The following COMMD6 variants were observed in gnomAD, a reference collection of about 807,000 sequenced individuals.
COMMD6 encodes the protein COMM domain-containing protein 6.
COMMD6 carries 11 observed loss-of-function variants against 13.4 expected under a neutral mutation model. That is an observed-to-expected ratio of 0.82 (90% CI 0.52 to 1.36). The LOEUF is 1.36. COMMD6 is among the 40% of genes most tolerant of loss of function. The pLI, the probability that COMMD6 is intolerant of heterozygous loss-of-function variation, is 0.00. For missense variants in COMMD6, 124 were observed against 102.4 expected (o/e 1.21, Z -0.91); for synonymous variants, 43 against 36.5 (o/e 1.18, Z -0.64).
intron 2 of COMMD6, among the ~76,000 whole-genome samples, chr13:75,534,779 A>G (rs778081381): frequency 6.6e-6 from 1 of 152,226 alleles, no homozygotes; most frequent in Non-Finnish European, 1.5e-5. Context: ...GTCACACTAA[A>G]AATTGATGTG....
chr13:75,535,435 C>T (rs1353144756), intron 2 of COMMD6, among the ~76,000 whole-genome samples: 1 of 152,162 alleles, frequency 6.6e-6, no homozygotes, highest in Non-Finnish European at 1.5e-5. Flanking sequence ...GTTGGAAGAC[C>T]CTGTTACAAG....
In COMMD6 at chr13:75,537,657, C is replaced by T; in HGVS notation, c.54+7G>A. ...CGGAGGACAGGGCGGGGCGGCCGCT[C>T]ACCCACCTGGTTGGTGACCTGAAAC... On this transcript the variant is annotated splice_region_variant and intron_variant, in intron 2 of 3. Transcript: ENST00000682242. The T allele has an allele frequency of 6.2e-7, 1 of 1,613,848 alleles. No homozygotes were observed. The highest frequency in any genetic ancestry group is 8.5e-7 in the Non-Finnish European group (1 of 1,179,828).
chr13:75,542,352 C>T (rs924594017), upstream of COMMD6, among the ~76,000 whole-genome samples: 2 of 147,946 alleles, frequency 1.4e-5, no homozygotes, highest in Admixed American at 1.4e-4. Context: ...TGCAATGGTG[C>T]GTTCTCAGCT....
Position 75,543,992 on chromosome 13 carries a change from A to G in COMMD6, n.106+5331T>C, listed in dbSNP as rs117338759. ...AATCTAATTTCAGAGAGCTCTGGAG[A>G]GATTCCTGACTCCCAGTGTATCTGC... On this transcript the variant is annotated intron_variant and non_coding_transcript_variant, in intron 1 of 2. Coordinates refer to the COMMD6 transcript ENST00000460675. Among the ~76,000 whole-genome samples the G allele has an allele frequency of 3.2e-4, 48 of 152,302 alleles. No homozygotes were observed. In the East Asian group the frequency reaches 9.1e-3, roughly 29 times the overall value.
upstream of COMMD6, chr13:75,538,723 T>A (rs1398326056): frequency 6.6e-6 from 1 of 152,216 alleles, no homozygotes; most frequent in East Asian, 1.9e-4. Flanking sequence ...CCCACTTGTT[T>A]AAACAATATT....
In COMMD6 at chr13:75,530,271, A is replaced by C. The variant is rs376238835; in HGVS notation, c.55-5T>G. 148 of 1,606,878 alleles carry C rather than the reference A, an allele frequency of 9.2e-5. 1 individual carries two copies. In the African/African-American group the frequency reaches 1.9e-3, roughly 20 times the overall value. On this transcript the variant is annotated splice_polypyrimidine_tract_variant and splice_region_variant and intron_variant, in intron 2 of 3. Coordinates refer to ENST00000682242, the MANE Select transcript of COMMD6 (RefSeq NM_203495.4). ...TTTCCACTGAAAATCTACAAGCTTT[A>C]ATAAGACAGGACAAAATAATACATT...
At position 75,526,485 on chromosome 13, in the gene COMMD6, G is replaced by T; in HGVS notation, c.*104C>A. ...TTTAAAAAAATGGAAAAACAAAAGT[G>T]CATTTTTCATTCAATAAATGTTCCA... On this transcript the variant is annotated 3_prime_UTR_variant, in exon 4 of 4. Coordinates refer to ENST00000682242, the MANE Select transcript of COMMD6 (RefSeq NM_203495.4). 2 of 788,516 alleles carry T rather than the reference G, an allele frequency of 2.5e-6. No individual in the cohort carries two copies. Among genetic ancestry groups the T allele is most frequent in the East Asian group, 2.6e-5 (1 of 38,330 alleles). The allele number at this position is 788,516 out of a possible 1,614,324, so 48.8% of individuals were successfully genotyped here. A position where few individuals can be genotyped will look rare whatever the true frequency, so the allele number is the denominator to read the frequency against.
chr13:75,539,807 C>T (rs1418542696), upstream of COMMD6, among the ~76,000 whole-genome samples: 1 of 152,074 alleles, frequency 6.6e-6, no homozygotes, highest in Non-Finnish European at 1.5e-5. Flanking sequence ...AAAAACCCCC[C>T]ACTGACTCAA....
chr13:75,528,875 AAAT>A (rs2030362227), intron 3 of COMMD6, among the ~76,000 whole-genome samples: 2 of 152,030 alleles, frequency 1.3e-5, no homozygotes, highest in African/African-American at 4.8e-5. Context: ...AAAAAAAAAG[AAAT>A]GAAAGGGAAA....
chr13:75,528,453 T>C (rs1207275190), intron 3 of COMMD6, among the ~76,000 whole-genome samples: 2 of 152,156 alleles, frequency 1.3e-5, no homozygotes, highest in Non-Finnish European at 1.5e-5. Context: ...CACTAATCAA[T>C]ATTAATAATG....
intron 2 of COMMD6, 109 bp from the exon 3 acceptor site, chr13:75,530,375 C>G: frequency 1.4e-6 from 1 of 716,414 alleles, no homozygotes; most frequent in Non-Finnish European, 2.2e-6. Context: ...CAACGCTGGT[C>G]ATATTTACAT....
At chr13:75,529,339 T>C (rs926165379) in intron 3 of COMMD6, among the ~76,000 whole-genome samples, 2 of 151,928 alleles carry the variant, frequency 1.3e-5, no homozygotes, top group Admixed American at 6.6e-5. Context: ...GCTAACATGG[T>C]GAAACCCCAT....
At chr13:75,528,240 A>G (rs547358583) in intron 3 of COMMD6, among the ~76,000 whole-genome samples, 1 of 151,572 alleles carries the variant, frequency 6.6e-6, no homozygotes, top group South Asian at 2.1e-4. Context: ...TTTTTTTCCT[A>G]TAGGAAAAAA....
upstream of COMMD6, among the ~76,000 whole-genome samples, chr13:75,542,659 G>A (rs577230836): frequency 6.6e-6 from 1 of 152,198 alleles, no homozygotes; most frequent in Non-Finnish European, 1.5e-5. Context: ...TAAAAAGGGG[G>A]AATTAAGGTT....
chr13:75,540,280 CT>C (rs1227520824), upstream of COMMD6, among the ~76,000 whole-genome samples: 3 of 151,300 alleles, frequency 2.0e-5, no homozygotes, highest in Non-Finnish European at 4.4e-5. Flanking sequence ...CCCAGGAAAT[CT>C]TTTTCTTCAG....
At chr13:75,534,118 A>G (rs1398867191) in intron 2 of COMMD6, among the ~76,000 whole-genome samples, 1 of 152,104 alleles carries the variant, frequency 6.6e-6, no homozygotes, top group African/African-American at 2.4e-5. Context: ...TGAGTATGAA[A>G]TAAGTAAGCA....
intron 2 of COMMD6, 29 bp downstream of exon 2, chr13:75,537,634 GA>G (rs1566200239): frequency 6.2e-7 from 1 of 1,613,718 alleles, no homozygotes; most frequent in South Asian, 1.1e-5. Context: ...CAGGCTGGCG[GA>G]GGACAGGGCG....
chr13:75,544,130 TG>T (rs368658896), intron 1 of COMMD6, among the ~76,000 whole-genome samples: 202 of 134,590 alleles, frequency 1.5e-3, no homozygotes, highest in African/African-American at 5.1e-3. Context: ...GGGGGGGAGG[TG>T]GGGTAATCAT....
chr13:75,535,322 G>C (rs1026967298), intron 2 of COMMD6, among the ~76,000 whole-genome samples: 2 of 152,200 alleles, frequency 1.3e-5, no homozygotes, highest in Admixed American at 6.5e-5. Flanking sequence ...TTTCCAGTGT[G>C]ACAAGAATCT....
Sources: allele counts gnomAD v4.1 joint callset (sites outside exome capture counted in the v4.1 genomes callset), GRCh38; gene constraint gnomAD v4.1.1; transcripts MANE v1.5; gene names NCBI Gene and HGNC (gene_info 2026-07-23, HGNC 2026-07-21).